TRERF1: variants seen among roughly 807,000 people sequenced by gnomAD.
TRERF1 encodes transcriptional-regulating factor 1.
TRERF1 carries 27 observed loss-of-function variants against 122.9 expected under a neutral mutation model. The observed-to-expected ratio is 0.22, with a 90% CI of 0.16 to 0.30. The LOEUF (loss-of-function observed/expected upper bound fraction) is 0.30, where lower values mean the gene tolerates loss of function less well. Among genes scored for constraint, TRERF1 ranks in the 10% least tolerant of loss-of-function variants. The pLI is 1.00. For missense variants in TRERF1, 1,248 were observed against 1,560.3 expected (o/e 0.80, Z 3.37); for synonymous variants, 636 against 641.7 (o/e 0.99, Z 0.13).
rs1033753523 is a variant in TRERF1, at chr6:42,268,688, C to T, written c.903G>A (p.Gln301=). The stretch of plus-strand genomic sequence containing the variant: ...GCGGCTGCTGCTGCTGTGGCGGCGG[C>T]TGTGGCTGTGATGGGCGAATTTGTT... Residue 301 remains glutamine, a synonymous_variant, in exon 5 of 18, where the codon CAG becomes CAA. Coordinates refer to ENST00000372922, the Ensembl canonical transcript of TRERF1. This position sits in a 1 kb window ranked among gnomAD's most constrained non-coding sequence, Gnocchi z 4.4. The T allele has an allele frequency of 1.9e-6, 3 of 1,614,002 alleles. No individual in the cohort carries two copies. The African/African-American group carries it at 4.0e-5, about 22-fold the overall frequency.
intron 3 of TRERF1, among the ~76,000 whole-genome samples, chr6:42,346,777 T>C (rs1458988752): frequency 6.6e-6 from 1 of 152,066 alleles, no homozygotes; most frequent in African/African-American, 2.4e-5. Context: ...AGCCATACCA[T>C]CCTCAGGGAT....
intron 2 of TRERF1, among the ~76,000 whole-genome samples, chr6:42,371,432 T>C (rs907701739): frequency 3.3e-5 from 5 of 151,898 alleles, no homozygotes; most frequent in East Asian, 1.9e-4. Context: ...AAAATAGGAA[T>C]AGAGAAAAAA....
At chr6:42,320,506 A>T (rs1363491623) in intron 3 of TRERF1, among the ~76,000 whole-genome samples, 34 of 136,750 alleles carry the variant, frequency 2.5e-4, no homozygotes, top group African/African-American at 9.8e-4. Flanking sequence ...AAGTGAAAGA[A>T]TTTTTTTTTT....
chr6:42,437,716 C>T (rs1027974716), intron 2 of TRERF1, among the ~76,000 whole-genome samples: 2 of 152,074 alleles, frequency 1.3e-5, no homozygotes, highest in African/African-American at 2.4e-5. Context: ...GTCTGAGTTC[C>T]GGAGTCTGAA....
chr6:42,424,238 T>G (rs2151591186), intron 2 of TRERF1, among the ~76,000 whole-genome samples: 1 of 152,332 alleles, frequency 6.6e-6, no homozygotes, highest in South Asian at 2.1e-4. Flanking sequence ...TTTCTCACAA[T>G]GATTGTATAC....
rs1785864435 is a variant in TRERF1, at chr6:42,299,951, G to A, written c.-259+687C>T. Among the ~76,000 whole-genome samples the A allele has an allele frequency of 2.0e-5, 3 of 152,222 alleles. 1 individual carries two copies. The highest frequency in any genetic ancestry group is 4.8e-5 in the African/African-American group (2 of 41,460). On this transcript the variant is annotated intron_variant, in intron 4 of 17. Coordinates refer to ENST00000372922, the Ensembl canonical transcript of TRERF1. Reference sequence around the variant, plus strand: ...TGCATGAGCAACCAGCAAGGCAGACGCTGGAGGTAACTAAAGCCCTTTCCA... The same window carrying A: ...TGCATGAGCAACCAGCAAGGCAGACACTGGAGGTAACTAAAGCCCTTTCCA...
chr6:42,430,825 G>A (rs1784382352), intron 2 of TRERF1, among the ~76,000 whole-genome samples: 1 of 151,756 alleles, frequency 6.6e-6, no homozygotes, highest in Non-Finnish European at 1.5e-5. Context: ...GAACCCAGGA[G>A]GCGGAGGTTG....
intron 2 of TRERF1, among the ~76,000 whole-genome samples, chr6:42,384,749 C>T (rs1241589858): frequency 6.6e-6 from 1 of 152,042 alleles, no homozygotes; most frequent in African/African-American, 2.4e-5. Flanking sequence ...CTATAAGTAC[C>T]CATACGCATC....
At chr6:42,357,328 CAAAAAAA>C (rs35651008) in intron 3 of TRERF1, among the ~76,000 whole-genome samples, 16 of 61,156 alleles carry the variant, frequency 2.6e-4, no homozygotes, top group East Asian at 6.2e-4. Flanking sequence ...GACTCTGTCT[CAAAAAAA>C]AAAAAAAAAA....
intron 2 of TRERF1, among the ~76,000 whole-genome samples, chr6:42,399,263 A>C (rs1297821328): frequency 6.6e-6 from 1 of 152,242 alleles, no homozygotes; most frequent in African/African-American, 2.4e-5. Flanking sequence ...GTTTCTCATT[A>C]AACCAATACT....
intron 2 of TRERF1, among the ~76,000 whole-genome samples, chr6:42,365,010 C>T (rs2150983561): frequency 6.6e-6 from 1 of 152,254 alleles, no homozygotes; most frequent in Middle Eastern, 3.4e-3. Context: ...AGCCCAGATG[C>T]AGGTCAGCAC....
At chr6:42,387,784 G>A (rs989231046) in intron 2 of TRERF1, among the ~76,000 whole-genome samples, 3 of 138,206 alleles carry the variant, frequency 2.2e-5, no homozygotes, top group South Asian at 2.2e-4. Flanking sequence ...AGTAAACCAA[G>A]ATGCTACCTT....
chr6:42,281,575 T>C (rs948230916), intron 4 of TRERF1, among the ~76,000 whole-genome samples: 9 of 152,194 alleles, frequency 5.9e-5, no homozygotes, highest in Admixed American at 1.3e-4. Context: ...CCTGTGTGCA[T>C]GGTAAACTAT....
rs1788608509 is a variant in TRERF1, at chr6:42,451,851, G to A, written c.-539+170C>T. Among the ~76,000 whole-genome samples the A allele has an allele frequency of 1.3e-5, 2 of 151,536 alleles. No individual in the cohort carries two copies. Among genetic ancestry groups the A allele is most frequent in the African/African-American group, 4.9e-5 (2 of 41,200 alleles). ...AAATTTGCAGCGCCGGGCTGCGCGC[G>A]TGCATCCACCCTCCCCTTCAGGAAA... On this transcript the variant is annotated intron_variant, in intron 1 of 17. In the 5' UTR this introduces an upstream ATG that the reference lacks. Transcript: ENST00000372922.
At chr6:42,308,884 T>C (rs887964050) in intron 3 of TRERF1, among the ~76,000 whole-genome samples, 1 of 152,052 alleles carries the variant, frequency 6.6e-6, no homozygotes, top group South Asian at 2.1e-4. Context: ...CAAACTCCCA[T>C]GACATAAGTT....
Position 42,268,345 on chromosome 6 carries a change from C to A in TRERF1, c.1246G>T (p.Ala416Ser). Residue 416 changes from alanine to serine, a missense_variant, in exon 5 of 18, where the codon GCC becomes TCC. Ala to Ser is a moderately conservative substitution (Grantham distance 99). Transcript: ENST00000372922. This position sits in a 1 kb window ranked among gnomAD's most constrained non-coding sequence, Gnocchi z 4.4. ...CCATGGGAGCTCAGCATGGCCTGGG[C>A]CTGTCTGTCACTAGAGTAGGTCTTC... is the stretch of plus-strand genomic sequence containing the variant. The A allele has an allele frequency of 6.6e-7, 1 of 1,522,226 alleles. No individual in the cohort carries two copies. Among genetic ancestry groups the A allele is most frequent in the African/African-American group, 1.4e-5 (1 of 71,914 alleles). The allele number at this position is 1,522,226 out of a possible 1,614,324, so 94.3% of individuals were successfully genotyped here.
At chr6:42,296,443 C>G (rs905339144) in intron 4 of TRERF1, among the ~76,000 whole-genome samples, 4 of 152,270 alleles carry the variant, frequency 2.6e-5, no homozygotes, top group African/African-American at 9.6e-5. Context: ...CACCACTGAC[C>G]AAGCACTGAT....
At chr6:42,385,528 C>T (rs1045208953) in intron 2 of TRERF1, among the ~76,000 whole-genome samples, 2 of 152,148 alleles carry the variant, frequency 1.3e-5, no homozygotes, top group Admixed American at 6.6e-5. Context: ...CTCACACTTT[C>T]GATAATGCCT....
intron 3 of TRERF1, among the ~76,000 whole-genome samples, chr6:42,342,044 C>A (rs574312713): frequency 6.6e-6 from 1 of 152,220 alleles, no homozygotes; most frequent in South Asian, 2.1e-4. Flanking sequence ...TGCAAGGATA[C>A]TGCAACCATT....
Sources: allele counts gnomAD v4.1 joint callset (sites outside exome capture counted in the v4.1 genomes callset), GRCh38; gene constraint gnomAD v4.1.1; non-coding constraint Gnocchi (gnomAD v3.1); transcripts MANE v1.5; gene names NCBI Gene and HGNC (gene_info 2026-07-23, HGNC 2026-07-21).